The following FILIP1L variants were observed in gnomAD, a reference collection of about 807,000 sequenced individuals.
FILIP1L encodes filamin A-interacting protein 1-like.
FILIP1L carries 55 observed loss-of-function variants against 96.6 expected under a neutral mutation model. That is an observed-to-expected ratio of 0.57 (90% CI 0.46 to 0.71). The LOEUF is 0.71. Among genes scored for constraint, FILIP1L ranks in the 30% least tolerant of loss-of-function variants. The pLI, the probability that FILIP1L is intolerant of heterozygous loss-of-function variation, is 0.00. For missense variants in FILIP1L, 1,304 were observed against 1,321.2 expected, an observed-to-expected ratio of 0.99 and a Z score of 0.20; for synonymous variants, 467 against 473.9, an observed-to-expected ratio of 0.99 and a Z score of 0.19.
intron 5 of FILIP1L, among the ~76,000 whole-genome samples, chr3:99,841,402 A>G (rs1270960019): frequency 2.6e-5 from 4 of 152,226 alleles, no homozygotes; most frequent in Non-Finnish European, 5.9e-5. Flanking sequence ...TTGCCGGAAC[A>G]GCAGATAACT....
chr3:99,940,747 C>T (rs1423287629), intron 1 of FILIP1L, among the ~76,000 whole-genome samples: 2 of 152,196 alleles, frequency 1.3e-5, no homozygotes, highest in Non-Finnish European at 2.9e-5. Flanking sequence ...TTTTAGGTAA[C>T]AATAGATCAC....
chr3:99,950,853 TAAAG>T lies in FILIP1L; in HGVS notation c.-10-19827_-10-19824del, dbSNP rs139068211. Among the ~76,000 whole-genome samples, 963 of 151,490 alleles carry T rather than the reference TAAAG, an allele frequency of 6.4e-3. 7 individuals are homozygous for T. The highest frequency in any genetic ancestry group is 0.018 in the African/African-American group (744 of 41,228). On this transcript the variant is annotated intron_variant, in intron 1 of 5. Transcript: ENST00000477258. ...CCCAAGATTAAAAGGAGAGTAAAAA[TAAAG>T]AGAGAGAGAGAGAAAGAAAGAGAGA...
chr3:99,998,865 G>T (rs374270674), intron 1 of FILIP1L, among the ~76,000 whole-genome samples: 1 of 152,084 alleles, frequency 6.6e-6, no homozygotes, highest in Non-Finnish European at 1.5e-5. Context: ...CACCGCGCCC[G>T]GCCATGGTTC....
At chr3:100,109,728 T>G (rs1007727098) in intron 1 of FILIP1L, among the ~76,000 whole-genome samples, 5 of 152,148 alleles carry the variant, frequency 3.3e-5, no homozygotes, top group Non-Finnish European at 4.4e-5. Context: ...ATTGAAGGGG[T>G]TGTTTCCAGG....
At chr3:99,992,346 CTT>C (rs1010263230) in intron 1 of FILIP1L, among the ~76,000 whole-genome samples, 21 of 151,862 alleles carry the variant, frequency 1.4e-4, no homozygotes, top group African/African-American at 4.8e-4. Flanking sequence ...TTTTTTGACT[CTT>C]TAATAATAGC....
chr3:100,034,051 A>C (rs902470720), intron 1 of FILIP1L, among the ~76,000 whole-genome samples: 2 of 152,186 alleles, frequency 1.3e-5, no homozygotes, highest in Admixed American at 6.5e-5. Flanking sequence ...GCCATGCGTT[A>C]TTTTGCTTAC....
At chr3:100,065,007 G>A (rs995911679) in intron 1 of FILIP1L, among the ~76,000 whole-genome samples, 3 of 152,168 alleles carry the variant, frequency 2.0e-5, no homozygotes, top group Non-Finnish European at 2.9e-5. Context: ...CACTATGCTA[G>A]GCATTATGTG....
intron 4 of FILIP1L, among the ~76,000 whole-genome samples, chr3:99,922,716 T>C (rs543095592): frequency 6.6e-6 from 1 of 152,326 alleles, no homozygotes; most frequent in African/African-American, 2.4e-5. Context: ...TATGGATGCT[T>C]ATACTGTCTA....
chr3:99,990,971 C>A (rs1199082524), intron 1 of FILIP1L, among the ~76,000 whole-genome samples: 1 of 152,058 alleles, frequency 6.6e-6, no homozygotes, highest in East Asian at 1.9e-4. Flanking sequence ...AAGTCTCTGC[C>A]TTTTGGGAAT....
chr3:99,883,061 C>G (rs1212849137), intron 4 of FILIP1L, among the ~76,000 whole-genome samples: 1 of 152,118 alleles, frequency 6.6e-6, no homozygotes, highest in Non-Finnish European at 1.5e-5. Context: ...ACTAAGCATC[C>G]AGTCTACATC....
rs9816283 is a variant in FILIP1L at position 99,918,138 on chromosome 3, C to T, written c.605+6092G>A. 7.4e-3 allele frequency among the ~76,000 whole-genome samples: 1,120 copies of T among 152,098 alleles called. 16 individuals are homozygous for T. Among genetic ancestry groups the T allele is most frequent in the Non-Finnish European group, 9.8e-3 (667 of 67,988 alleles). ...GATTACAGGCGCGCGGCACCACGCCCGGCTAATTTTTGTATTTTTAGTAGA... is the reference window on the plus strand; with the variant it reads ...GATTACAGGCGCGCGGCACCACGCCTGGCTAATTTTTGTATTTTTAGTAGA... On this transcript the variant is annotated intron_variant, in intron 4 of 5. Coordinates refer to ENST00000477258, the MANE Select transcript of FILIP1L (RefSeq NM_001387850.1).
intron 4 of FILIP1L, among the ~76,000 whole-genome samples, chr3:99,868,967 A>G (rs1006678784): frequency 2.6e-5 from 4 of 152,198 alleles, no homozygotes; most frequent in African/African-American, 9.6e-5. Context: ...AAGGAATAAT[A>G]CCTCTGTATC....
chr3:99,948,284 G>T (rs116760793), intron 1 of FILIP1L, among the ~76,000 whole-genome samples: 7 of 151,872 alleles, frequency 4.6e-5, no homozygotes, highest in Non-Finnish European at 1.0e-4. Context: ...CTTGAGCCCC[G>T]GAGTTTGAGA....
chr3:99,938,115 G>T (rs1403497704), intron 1 of FILIP1L, among the ~76,000 whole-genome samples: 2 of 152,032 alleles, frequency 1.3e-5, no homozygotes, highest in African/African-American at 4.8e-5. Context: ...GTGCTGGGTG[G>T]GGAAGAAATG....
intron 4 of FILIP1L, among the ~76,000 whole-genome samples, chr3:99,922,270 G>T (rs866810247): frequency 7.9e-5 from 12 of 152,158 alleles, no homozygotes; most frequent in Non-Finnish European, 1.6e-4. Flanking sequence ...AACCACAGGG[G>T]TTCAAAATAA....
intron 4 of FILIP1L, among the ~76,000 whole-genome samples, chr3:99,864,152 T>G (rs1944397710): frequency 6.6e-6 from 1 of 152,222 alleles, no homozygotes; most frequent in Admixed American, 6.5e-5. Context: ...ATTATTTGAC[T>G]TATAACAACA....
At chr3:100,111,038 A>C (rs2066482138) in intron 1 of FILIP1L, among the ~76,000 whole-genome samples, 1 of 152,168 alleles carries the variant, frequency 6.6e-6, no homozygotes, top group Non-Finnish European at 1.5e-5. Flanking sequence ...CAATAATAGG[A>C]GTCAATTCAG....
intron 1 of FILIP1L, among the ~76,000 whole-genome samples, chr3:99,935,606 C>T (rs1444685978): frequency 6.6e-6 from 1 of 152,198 alleles, no homozygotes; most frequent in Non-Finnish European, 1.5e-5. Context: ...TTCCTTTGAC[C>T]TCTACCCTGT....
chr3:100,111,178 GT>G lies in FILIP1L; in HGVS notation c.-11+2874del, dbSNP rs537263750. ...AAGGGCCAGAAGGAAGAACTCTAGG[GT>G]AAGGACCTAGAAGGGCAATGGAGGC... On this transcript the variant is annotated intron_variant, in intron 1 of 5. Transcript: ENST00000477258. 1.4e-3 allele frequency among the ~76,000 whole-genome samples: 215 copies of G among 152,222 alleles called. 1 individual carries two copies. Among genetic ancestry groups the G allele is most frequent in the African/African-American group, 5.1e-3 (210 of 41,554 alleles).
Sources: gnomAD v4.1 joint callset for allele counts (sites outside exome capture counted in the v4.1 genomes callset) on GRCh38, gnomAD v4.1.1 for gene constraint, MANE v1.5 for transcripts, NCBI Gene and HGNC (gene_info 2026-07-23, HGNC 2026-07-21) for gene names.